MMS22L: variants seen among roughly 807,000 people sequenced by gnomAD.
MMS22L encodes protein MMS22-like.
Under a neutral mutation model 159.1 loss-of-function variants are expected in MMS22L, and 74 were observed. The ratio of observed to expected loss-of-function variants is 0.47; its 90% CI spans 0.39 to 0.56. MMS22L has a LOEUF of 0.56. MMS22L is among the 20% of genes least tolerant of loss of function. MMS22L has a pLI of 0.00. For synonymous variants in MMS22L, 517 were observed against 506.9 expected, an observed-to-expected ratio of 1.02 and a Z score of -0.27; for missense variants, 1,351 against 1,422.1, an observed-to-expected ratio of 0.95 and a Z score of 0.80.
intron 15 of MMS22L, 81 bp downstream of exon 15, chr6:97,186,416 T>A: frequency 8.3e-7 from 1 of 1,206,278 alleles, no homozygotes; most frequent in Non-Finnish European, 1.1e-6. Flanking sequence ...TATACAAGAG[T>A]TTGTTACTAA....
At position 97,192,202 on chromosome 6, in the gene MMS22L, ATGG is replaced by A. The variant is rs758067335; in HGVS notation, c.2040-5515_2040-5513del. ...GATGGATGGATGGATGGATGGATGG[ATGG>A]ATGGATGAATGAATGAATGAATATG... On this transcript the variant is annotated intron_variant, in intron 14 of 24. Transcript: ENST00000683635. Among the ~76,000 whole-genome samples, 1,168 of 151,026 alleles carry A rather than the reference ATGG, an allele frequency of 7.7e-3. 9 individuals are homozygous for A. The highest frequency in any genetic ancestry group is 0.014 in the Admixed American group (217 of 15,064).
At chr6:97,152,839 C>CTT (rs869235389) in intron 22 of MMS22L, among the ~76,000 whole-genome samples, 1 of 121,514 alleles carries the variant, frequency 8.2e-6, no homozygotes. Context: ...TGAGTATTTT[C>CTT]TTTTTTTTTT....
chr6:97,256,787 C>CA (rs964991350), intron 9 of MMS22L, among the ~76,000 whole-genome samples: 1 of 151,944 alleles, frequency 6.6e-6, no homozygotes, highest in Non-Finnish European at 1.5e-5. Flanking sequence ...CCTGTCTCTA[C>CA]AAAAAATAAA....
intron 14 of MMS22L, among the ~76,000 whole-genome samples, chr6:97,211,582 G>T (rs952134827): frequency 6.6e-5 from 10 of 152,076 alleles, no homozygotes; most frequent in African/African-American, 2.4e-4. Context: ...TTGTTAGCAT[G>T]TACATAAACT....
At chr6:97,245,237 T>A (rs187649985) in intron 11 of MMS22L, among the ~76,000 whole-genome samples, 1 of 151,810 alleles carries the variant, frequency 6.6e-6, no homozygotes, top group East Asian at 1.9e-4. Context: ...TGAAAGGGAG[T>A]TTAAAAATTA....
intron 3 of MMS22L, 87 bp downstream of exon 3, chr6:97,281,150 T>C (rs1241346941): frequency 1.6e-6 from 2 of 1,283,486 alleles, no homozygotes; most frequent in Non-Finnish European, 2.1e-6. Context: ...TGGTCTTTTG[T>C]AATATCAGTA....
intron 11 of MMS22L, among the ~76,000 whole-genome samples, chr6:97,245,519 T>C (rs1424173864): frequency 1.3e-5 from 2 of 151,976 alleles, no homozygotes; most frequent in Non-Finnish European, 2.9e-5. Flanking sequence ...AAATAAAAAA[T>C]ATACATAAAA....
At chr6:97,194,449 A>G (rs1213715626) in intron 14 of MMS22L, among the ~76,000 whole-genome samples, 3 of 152,184 alleles carry the variant, frequency 2.0e-5, no homozygotes, top group Admixed American at 6.5e-5. Flanking sequence ...CTAAAAAAAA[A>G]GGGATAATAA....
chr6:97,160,039 C>T (rs1802275887), intron 22 of MMS22L, among the ~76,000 whole-genome samples: 2 of 148,852 alleles, frequency 1.3e-5, no homozygotes, highest in South Asian at 4.3e-4. Flanking sequence ...TCTCTCACCA[C>T]CTCCTTTTTA....
chr6:97,262,324 A>G (rs1814563056), intron 9 of MMS22L, among the ~76,000 whole-genome samples: 1 of 152,182 alleles, frequency 6.6e-6, no homozygotes, highest in South Asian at 2.1e-4. Context: ...AGTACTTGCA[A>G]ACCTACAAAA....
chr6:97,161,911 T>C (rs1176894909), intron 22 of MMS22L, 91 bp downstream of exon 22: 4 of 1,227,590 alleles, frequency 3.3e-6, no homozygotes, highest in Non-Finnish European at 4.6e-6. Context: ...GAATCACATA[T>C]ATTTTGTAAC....
At chr6:97,193,562 CTTG>C (rs1461670771) in intron 14 of MMS22L, among the ~76,000 whole-genome samples, 2 of 152,074 alleles carry the variant, frequency 1.3e-5, no homozygotes, top group Non-Finnish European at 2.9e-5. Flanking sequence ...GATCCACTTC[CTTG>C]TTATTATTGT....
intron 15 of MMS22L, among the ~76,000 whole-genome samples, chr6:97,185,948 ATAATT>A (rs1485493037): frequency 6.6e-6 from 1 of 152,058 alleles, no homozygotes; most frequent in Non-Finnish European, 1.5e-5. Context: ...ATTCTTACCT[ATAATT>A]TCATGAGATC....
rs922931747 is a variant in MMS22L, at chr6:97,231,640, T to C, written c.1315A>G (p.Ser439Gly). The C allele has an allele frequency of 2.5e-6, 4 of 1,601,796 alleles. No homozygotes were observed. The highest frequency in any genetic ancestry group is 3.4e-6 in the Non-Finnish European group (4 of 1,173,404). ...CCTTTAAAAGGAAGCCAAGAAATAC[T>C]GAAGGAACTATTCTAAAAGGGGGGA... is the stretch of plus-strand genomic sequence containing the variant. Reference protein sequence around the residue: ...YYSKNLNSSFSISWLPFKGLA... With the variant: ...YYSKNLNSSFGISWLPFKGLA... Residue 439 changes from serine to glycine, a missense_variant, in exon 13 of 25, where the codon AGT becomes GGT. Coordinates refer to ENST00000683635, the MANE Select transcript of MMS22L (RefSeq NM_001350599.2).
chr6:97,172,372 T>C (rs964054800), intron 19 of MMS22L, among the ~76,000 whole-genome samples: 1 of 151,800 alleles, frequency 6.6e-6, no homozygotes, highest in African/African-American at 2.4e-5. Flanking sequence ...AGGGAACAGA[T>C]AAAAGGTTTT....
At chr6:97,162,829 A>G (rs1397892330) in intron 21 of MMS22L, among the ~76,000 whole-genome samples, 1 of 152,080 alleles carries the variant, frequency 6.6e-6, no homozygotes, top group Admixed American at 6.6e-5. Flanking sequence ...GTCCGGGCCC[A>G]TAACAAGTGT....
intron 14 of MMS22L, among the ~76,000 whole-genome samples, chr6:97,201,435 G>C (rs1327662471): frequency 6.6e-6 from 1 of 152,136 alleles, no homozygotes; most frequent in African/African-American, 2.4e-5. Context: ...AGGAAGAACT[G>C]CTGGATCACT....
rs1241472223 is a variant in MMS22L, at chr6:97,254,661, T to G, written c.1015A>C (p.Met339Leu). The change falls in exon 10 of 25, where the codon ATG (methionine) becomes CTG (leucine). Residue 339 changes from methionine to leucine, a missense_variant. Transcript: ENST00000683635. ...GGATCCCTGGACTGGATTACAGGCA[T>G]AGAGGATCTTCTTCGGTCACTTGAT... Reference protein sequence around the residue: ...EKSSDRRRSSMPVIQSRDPLG... With the variant: ...EKSSDRRRSSLPVIQSRDPLG... 1 of 1,613,126 alleles carries G rather than the reference T, an allele frequency of 6.2e-7. No individual in the cohort carries two copies. The highest frequency in any genetic ancestry group is 2.2e-5 in the East Asian group (1 of 44,788).
rs1360859313 is a variant in MMS22L, at chr6:97,154,499, T to G, written c.3386-2632A>C. Among the ~76,000 whole-genome samples the G allele has an allele frequency of 2.0e-5, 3 of 152,306 alleles. No homozygotes were observed. In the East Asian group the frequency reaches 5.8e-4, roughly 29 times the overall value. ...TCTCTTCTGTGGTTCATGCTTTTAG[T>G]GCCATAGCTAAGAATCTGTTGCCAA... is the stretch of plus-strand genomic sequence containing the variant. On this transcript the variant is annotated intron_variant, in intron 22 of 24. Coordinates refer to ENST00000683635, the MANE Select transcript of MMS22L (RefSeq NM_001350599.2).
Sources: allele counts gnomAD v4.1 joint callset (sites outside exome capture counted in the v4.1 genomes callset), GRCh38; gene constraint gnomAD v4.1.1; transcripts MANE v1.5; gene names NCBI Gene and HGNC (gene_info 2026-07-23, HGNC 2026-07-21).